MED23: variants seen among roughly 807,000 people sequenced by gnomAD.
MED23 encodes mediator complex subunit 23, also known as mediator of RNA polymerase II transcription subunit 23.
Under a neutral mutation model 163.9 loss-of-function variants are expected in MED23, and 105 were observed. The ratio of observed to expected loss-of-function variants is 0.64; its 90% CI spans 0.55 to 0.75. The LOEUF is 0.75. Among genes scored for constraint, MED23 ranks in the 30% least tolerant of loss-of-function variants. MED23 has a pLI of 0.00. For missense variants in MED23, 1,054 were observed against 1,649.0 expected (o/e 0.64, Z 6.25); for synonymous variants, 561 against 565.6 (o/e 0.99, Z 0.12).
downstream of MED23, among the ~76,000 whole-genome samples, chr6:131,586,324 C>G (rs553285803): frequency 6.6e-6 from 1 of 151,046 alleles, no homozygotes; most frequent in African/African-American, 2.4e-5. Flanking sequence ...GGCGTGAACC[C>G]GGGAGGTGGA....
chr6:131,598,920 T>C lies in MED23; in HGVS notation c.2221-159A>G, dbSNP rs1450588372. ...GGCCTGAATTTCTGTGTCTGGAAAA[T>C]ACATAAGCTTGACTAGATTATCTCC... is the stretch of plus-strand genomic sequence containing the variant. On this transcript the variant is annotated intron_variant, in intron 18 of 28. Transcript: ENST00000368068. This position sits in a 1 kb window ranked among gnomAD's most constrained non-coding sequence, Gnocchi z 4.7. Among the ~76,000 whole-genome samples the C allele has an allele frequency of 6.6e-6, 1 of 152,178 alleles. No individual in the cohort carries two copies. The highest frequency in any genetic ancestry group is 1.9e-4 in the East Asian group (1 of 5,206).
chr6:131,592,015 T>G, intron 25 of MED23: 1 of 240,630 alleles, frequency 4.2e-6, no homozygotes, highest in Non-Finnish European at 8.0e-6. Context: ...TCCCTCACAT[T>G]CAGAAGTACC....
rs895402461 is a variant in MED23, at chr6:131,604,451, G to T, written c.1614-131C>A. Reference sequence around the variant, plus strand: ...CAAATGAAGTTGATTCATTTAATGTGTTTAAGCTGTGCAGGACACTTGGTA... The same window carrying T: ...CAAATGAAGTTGATTCATTTAATGTTTTTAAGCTGTGCAGGACACTTGGTA... On this transcript the variant is annotated intron_variant, in intron 14 of 28. Transcript: ENST00000368068. 19 of 1,043,870 alleles carry T rather than the reference G, an allele frequency of 1.8e-5. 1 individual carries two copies. The Admixed American group carries it at 3.2e-4, about 18-fold the overall frequency. 64.7% of individuals were successfully genotyped at this position (1,043,870 alleles called of 1,614,324 possible).
intron 3 of MED23, chr6:131,627,032 C>A: frequency 5.2e-6 from 1 of 190,594 alleles, no homozygotes; most frequent in Non-Finnish European, 1.1e-5. Flanking sequence ...GTGCCAATTC[C>A]TTTATTTAGC....
chr6:131,605,568 T>G (rs1225833992), intron 13 of MED23, 83 bp from the exon 14 acceptor site: 70 of 1,246,756 alleles, frequency 5.6e-5, no homozygotes, highest in South Asian at 1.8e-4. Context: ...AGTTCAATTT[T>G]ATGCAATTAT....
At chr6:131,609,005 T>C (rs529367020) in intron 11 of MED23, among the ~76,000 whole-genome samples, 37 of 152,292 alleles carry the variant, frequency 2.4e-4, no homozygotes, top group African/African-American at 8.4e-4. Context: ...GTATTCGCTG[T>C]CAGTCACCTA....
chr6:131,576,261 G>A (rs1344539290), intron 30 of MED23, among the ~76,000 whole-genome samples: 1 of 152,094 alleles, frequency 6.6e-6, no homozygotes, highest in Non-Finnish European at 1.5e-5. Flanking sequence ...AGCTTATGAG[G>A]GACTCAAAGT....
At chr6:131,600,343 C>T (rs1775373339) in intron 17 of MED23, among the ~76,000 whole-genome samples, 181 bp from the exon 18 acceptor site, 1 of 152,094 alleles carries the variant, frequency 6.6e-6, no homozygotes, top group Admixed American at 6.6e-5. Flanking sequence ...TCTGGATGAT[C>T]ACATTAGAAA....
chr6:131,607,195 A>ACATGGTGGGGTTACAGCTAGTG (rs1456748195), intron 12 of MED23, among the ~76,000 whole-genome samples: 3 of 151,606 alleles, frequency 2.0e-5, no homozygotes, highest in Admixed American at 6.6e-5. Flanking sequence ...GATGGGTATA[A>ACATGGTGGGGTTACAGCTAGTG]CATGGTGGGG....
At chr6:131,591,706 C>T (rs1042290341) in intron 25 of MED23, 179 bp from the exon 26 acceptor site, 3 of 636,970 alleles carry the variant, frequency 4.7e-6, no homozygotes, top group Non-Finnish European at 5.6e-6. Flanking sequence ...GGAGAAGTAA[C>T]TGTGAGTTAA....
intron 5 of MED23, 130 bp from the exon 6 acceptor site, chr6:131,622,109 T>C: frequency 1.6e-6 from 1 of 640,870 alleles, no homozygotes; most frequent in Middle Eastern, 3.8e-4. Flanking sequence ...AGTTACAATC[T>C]AAGTCCCTAA....
At chr6:131,620,547 CA>C in intron 7 of MED23, 80 bp downstream of exon 7, 1 of 886,460 alleles carries the variant, frequency 1.1e-6, no homozygotes, top group Non-Finnish European at 1.9e-6. Flanking sequence ...ATCATCTTCC[CA>C]CCTTTGCCTC....
At chr6:131,575,940 T>C (rs967624623) in intron 30 of MED23, among the ~76,000 whole-genome samples, 1 of 152,180 alleles carries the variant, frequency 6.6e-6, no homozygotes, top group Non-Finnish European at 1.5e-5. Context: ...TTGCCTGCTT[T>C]CTCCCCAAGA....
chr6:131,606,213 T>C (rs1167052236), intron 13 of MED23, among the ~76,000 whole-genome samples: 2 of 151,910 alleles, frequency 1.3e-5, no homozygotes, highest in Non-Finnish European at 2.9e-5. Flanking sequence ...TTAATAACTT[T>C]AAAGTATAAC....
rs1775697579 is a variant in MED23, at chr6:131,604,325, G to C, written c.1614-5C>G. The C allele has an allele frequency of 2.5e-6, 4 of 1,613,030 alleles. No individual in the cohort carries two copies. Among genetic ancestry groups the C allele is most frequent in the Non-Finnish European group, 3.4e-6 (4 of 1,179,458 alleles). ...GTTGCAATGCTGTGAATAAGGCTGA[G>C]GAGAAAAAAAGGGAAGAAAATAAAA... On this transcript the variant is annotated splice_region_variant and splice_polypyrimidine_tract_variant and intron_variant, in intron 14 of 28. Transcript: ENST00000368068.
At chr6:131,592,845 A>G (rs1284499196) in intron 24 of MED23, 161 bp downstream of exon 24, 2 of 854,082 alleles carry the variant, frequency 2.3e-6, no homozygotes, top group Admixed American at 2.1e-5. Context: ...GGCTCATTCC[A>G]TAACTCCTAT....
chr6:131,617,943 G>A lies in MED23; in HGVS notation c.780+464C>T, dbSNP rs546195799. Among the ~76,000 whole-genome samples, 9 of 152,262 alleles carry A rather than the reference G, an allele frequency of 5.9e-5. No homozygotes were observed. The South Asian group carries it at 1.0e-3, about 18-fold the overall frequency. Reference sequence around the variant, plus strand: ...ATTGTAAGGAAGTAATTTTCTGCTCGGAAATGTAATCTAAGAAGAATGGAG... The same window carrying A: ...ATTGTAAGGAAGTAATTTTCTGCTCAGAAATGTAATCTAAGAAGAATGGAG... On this transcript the variant is annotated intron_variant, in intron 9 of 28. Coordinates refer to ENST00000368068, the MANE Select transcript of MED23 (RefSeq NM_004830.4).
chr6:131,583,400 C>T, downstream of MED23: 1 of 1,614,116 alleles, frequency 6.2e-7, no homozygotes, highest in Middle Eastern at 1.6e-4. Flanking sequence ...ACGGACTGGA[C>T]CCATCTTTCA....
chr6:131,585,506 C>T (rs543691303), downstream of MED23, among the ~76,000 whole-genome samples: 2 of 152,156 alleles, frequency 1.3e-5, no homozygotes, highest in Non-Finnish European at 2.9e-5. Context: ...GGATCTCACT[C>T]TAAGATATAT....
Sources: allele counts gnomAD v4.1 joint callset (sites outside exome capture counted in the v4.1 genomes callset), GRCh38; gene constraint gnomAD v4.1.1; non-coding constraint Gnocchi (gnomAD v3.1); transcripts MANE v1.5; gene names NCBI Gene and HGNC (gene_info 2026-07-23, HGNC 2026-07-21).